PAX2: variants seen among roughly 807,000 people sequenced by gnomAD.
PAX2 encodes paired box 2, also known as paired box protein Pax-2.
A neutral mutation model predicts 41.7 loss-of-function variants in PAX2; 9 were observed. That is an observed-to-expected ratio of 0.22 (90% CI 0.13 to 0.38). The LOEUF (loss-of-function observed/expected upper bound fraction) is 0.38, where lower values mean the gene tolerates loss of function less well. PAX2 is among the 10% of genes least tolerant of loss of function. The pLI is 1.00. For missense variants in PAX2, 418 were observed against 531.6 expected, an observed-to-expected ratio of 0.79 and a Z score of 2.10; for synonymous variants, 221 against 212.7, an observed-to-expected ratio of 1.04 and a Z score of -0.34.
At chr10:100,807,814 G>A (rs1346348511) in intron 6 of PAX2, among the ~76,000 whole-genome samples, 2 of 152,228 alleles carry the variant, frequency 1.3e-5, no homozygotes, top group South Asian at 2.1e-4. Context: ...ACACATGCAC[G>A]TCAGTGCAGC....
chr10:100,747,465 G>C (rs766959711), intron 1 of PAX2: 6 of 227,754 alleles, frequency 2.6e-5, no homozygotes, highest in Non-Finnish European at 3.6e-5. Flanking sequence ...ACTATTCTGA[G>C]ATTTTTTTTG....
In PAX2 at chr10:100,747,669, G is replaced by T. The variant is rs561809890; in HGVS notation, c.43+1366G>T. ...ATATATTTAGCGTTGCGGGGGTTGG[G>T]GGGGGCGTTTAAAAATACTTCTGGG... On this transcript the variant is annotated intron_variant, in intron 1 of 9. Coordinates refer to ENST00000355243, the MANE Select transcript of PAX2 (RefSeq NM_000278.5). The T allele has an allele frequency of 3.0e-6, 3 of 984,632 alleles. 1 individual carries two copies. In the South Asian group the frequency reaches 1.4e-4, roughly 46 times the overall value. The allele number at this position is 984,632 out of a possible 1,614,324, so 61.0% of individuals were successfully genotyped here. A position where few individuals can be genotyped will look rare whatever the true frequency, so the allele number is the denominator to read the frequency against.
At position 100,746,317 on chromosome 10, in the gene PAX2, C is replaced by T; in HGVS notation, c.43+14C>T. 6.5e-7 allele frequency: 1 copy of T among 1,549,182 alleles called. No individual in the cohort carries two copies. Among genetic ancestry groups the T allele is most frequent in the East Asian group, 2.2e-5 (1 of 44,566 alleles). On this transcript the variant is annotated intron_variant, in intron 1 of 9. Coordinates refer to ENST00000355243, the MANE Select transcript of PAX2 (RefSeq NM_000278.5). The stretch of plus-strand genomic sequence containing the variant: ...CCGCGATGCACCGTGAGTACCGGCG[C>T]CCGGCTCCTGTCCCGGCTCGGGGCT...
chr10:100,771,229 G>A (rs1313397125), intron 3 of PAX2, among the ~76,000 whole-genome samples: 2 of 152,288 alleles, frequency 1.3e-5, no homozygotes, highest in East Asian at 3.9e-4. Flanking sequence ...TGGAACCTGT[G>A]TATTCCAGCA....
chr10:100,802,447 G>T (rs577641801), intron 5 of PAX2, among the ~76,000 whole-genome samples: 6 of 152,344 alleles, frequency 3.9e-5, no homozygotes, highest in African/African-American at 1.4e-4. Context: ...GTGTTGCTGA[G>T]AGTGGAAAAG....
At chr10:100,762,469 A>T (rs1845873969) in intron 3 of PAX2, among the ~76,000 whole-genome samples, 1 of 152,206 alleles carries the variant, frequency 6.6e-6, no homozygotes, top group Non-Finnish European at 1.5e-5. Context: ...GCAAGGAGTC[A>T]TTTAGTGCCG....
chr10:100,802,952 C>G (rs933030258), intron 5 of PAX2, among the ~76,000 whole-genome samples: 1 of 152,134 alleles, frequency 6.6e-6, no homozygotes, highest in Admixed American at 6.5e-5. Context: ...CTCTTTCTTC[C>G]TCCTTGCCGT....
chr10:100,739,030 C>CACACACAT (rs1333065536), intron 1 of PAX2, among the ~76,000 whole-genome samples: 1 of 151,068 alleles, frequency 6.6e-6, no homozygotes, highest in Non-Finnish European at 1.5e-5. Flanking sequence ...CACACACACA[C>CACACACAT]ACACACACAC....
intron 3 of PAX2, among the ~76,000 whole-genome samples, chr10:100,766,753 A>G (rs1846044393): frequency 6.6e-6 from 1 of 152,212 alleles, no homozygotes; most frequent in South Asian, 2.1e-4. Flanking sequence ...TAAAAAAGCT[A>G]AAGGATGGAT....
At chr10:100,788,780 G>C (rs939788290) in intron 5 of PAX2, among the ~76,000 whole-genome samples, 1 of 152,136 alleles carries the variant, frequency 6.6e-6, no homozygotes, top group African/African-American at 2.4e-5. Flanking sequence ...CAGGAGACTT[G>C]GCGAGGTTGC....
chr10:100,779,243 A>G (rs150277315), intron 3 of PAX2, among the ~76,000 whole-genome samples: 16 of 152,304 alleles, frequency 1.1e-4, no homozygotes, highest in Admixed American at 3.3e-4. Context: ...AAATCAAACA[A>G]TAATTTGGGT....
chr10:100,823,926 G>C (rs150966128), intron 7 of PAX2, among the ~76,000 whole-genome samples: 6 of 152,348 alleles, frequency 3.9e-5, no homozygotes, highest in African/African-American at 1.4e-4. Flanking sequence ...CAGAAGTCCA[G>C]CAGCTGGTGG....
chr10:100,805,023 TACACACACACACA>T (rs1847721203), intron 5 of PAX2, among the ~76,000 whole-genome samples: 14 of 94,956 alleles, frequency 1.5e-4, no homozygotes, highest in African/African-American at 6.3e-4. Context: ...CTCTCTCACA[TACACACACACACA>T]CACACACACA....
chr10:100,810,331 G>T (rs1341373409), intron 7 of PAX2, among the ~76,000 whole-genome samples: 3 of 152,228 alleles, frequency 2.0e-5, no homozygotes, highest in Non-Finnish European at 1.5e-5. Context: ...TCCACCTGGG[G>T]GCTTAGGAGA....
At chr10:100,742,548 C>T (rs186516954), upstream of PAX2, among the ~76,000 whole-genome samples, 1 of 152,182 alleles carries the variant, frequency 6.6e-6, no homozygotes, top group South Asian at 2.1e-4. Flanking sequence ...ATTTATTGGG[C>T]AGATCAGATG....
At chr10:100,793,815 A>G (rs936182821) in intron 5 of PAX2, among the ~76,000 whole-genome samples, 1 of 152,104 alleles carries the variant, frequency 6.6e-6, no homozygotes, top group Non-Finnish European at 1.5e-5. Context: ...CTTTGTATCA[A>G]TGTGGGCCCA....
chr10:100,759,435 CAGCCT>C (rs1845758641), intron 3 of PAX2, among the ~76,000 whole-genome samples: 1 of 152,178 alleles, frequency 6.6e-6, no homozygotes, highest in African/African-American at 2.4e-5. Context: ...GCAGTGGCTC[CAGCCT>C]AGTCCCTGGC....
chr10:100,827,805 C>T lies in PAX2; in HGVS notation c.*186C>T. ...CACCCCCCTCGAAGGTCGGACAGGA[C>T]GGGTGGAGCCGTGGGCGGGACCCTC... On this transcript the variant is annotated 3_prime_UTR_variant, in exon 10 of 10. Coordinates refer to ENST00000355243, the MANE Select transcript of PAX2 (RefSeq NM_000278.5). The surrounding 1 kb of genome is among the most constrained non-coding windows in gnomAD (Gnocchi z 8.5). 4.7e-6 allele frequency: 4 copies of T among 849,564 alleles called. No homozygotes were observed. The highest frequency in any genetic ancestry group is 1.7e-5 in the South Asian group (1 of 59,292). 52.6% of individuals were successfully genotyped at this position (849,564 alleles called of 1,614,324 possible).
At chr10:100,789,840 G>A (rs950036216) in intron 5 of PAX2, among the ~76,000 whole-genome samples, 10 of 152,174 alleles carry the variant, frequency 6.6e-5, no homozygotes, top group African/African-American at 2.4e-4. Flanking sequence ...AAACTCTCTG[G>A]GTAGAGTTGG....
Sources: allele counts gnomAD v4.1 joint callset (sites outside exome capture counted in the v4.1 genomes callset), GRCh38; gene constraint gnomAD v4.1.1; non-coding constraint Gnocchi (gnomAD v3.1); transcripts MANE v1.5; gene names NCBI Gene and HGNC (gene_info 2026-07-23, HGNC 2026-07-21).